The following CNBD1 variants were observed in gnomAD, a reference collection of about 807,000 sequenced individuals.
CNBD1 encodes cyclic nucleotide binding domain containing 1, also known as cyclic nucleotide-binding domain-containing protein 1.
In CNBD1, 71 loss-of-function variants were observed where a neutral mutation model predicts 54.4. The observed-to-expected ratio is 1.30, with a 90% CI of 1.08 to 1.59. The LOEUF (loss-of-function observed/expected upper bound fraction) is 1.59, where lower values mean the gene tolerates loss of function less well. CNBD1 is among the 40% of genes most tolerant of loss of function. CNBD1 has a pLI of 0.00. For missense variants in CNBD1, 659 were observed against 518.0 expected, an observed-to-expected ratio of 1.27 and a Z score of -2.64; for synonymous variants, 182 against 170.7, an observed-to-expected ratio of 1.07 and a Z score of -0.51.
intron 2 of CNBD1, among the ~76,000 whole-genome samples, chr8:87,415,102 C>T (rs188199734): frequency 2.3e-4 from 35 of 152,192 alleles, no homozygotes; most frequent in African/African-American, 7.7e-4. Context: ...TCACAAGGAT[C>T]TGAGTGTATC....
intron 2 of CNBD1, among the ~76,000 whole-genome samples, chr8:87,398,446 A>G (rs751008303): frequency 1.1e-4 from 17 of 151,934 alleles, no homozygotes; most frequent in Admixed American, 6.6e-5. Flanking sequence ...AATGTAATAA[A>G]CATTTGCTGT....
chr8:87,349,162 A>G (rs1025186227), intron 8 of CNBD1, among the ~76,000 whole-genome samples: 2 of 152,158 alleles, frequency 1.3e-5, no homozygotes, highest in Admixed American at 1.3e-4. Context: ...CCTGCAGATC[A>G]TCGTATGTTA....
chr8:87,255,456 A>G (rs541146523), intron 6 of CNBD1, among the ~76,000 whole-genome samples: 2 of 152,298 alleles, frequency 1.3e-5, no homozygotes, highest in Non-Finnish European at 2.9e-5. Flanking sequence ...TTGAGAAAAG[A>G]GATCAGAGAA....
chr8:87,063,932 A>C (rs958702097), intron 4 of CNBD1, among the ~76,000 whole-genome samples: 1 of 152,000 alleles, frequency 6.6e-6, no homozygotes, highest in African/African-American at 2.4e-5. Context: ...AATGCAATTG[A>C]TTTTTGTATA....
intron 8 of CNBD1, among the ~76,000 whole-genome samples, chr8:87,346,376 C>T (rs1810176492): frequency 6.6e-6 from 1 of 151,858 alleles, no homozygotes; most frequent in African/African-American, 2.4e-5. Flanking sequence ...ATTTGAGAAT[C>T]CAGGTTTGAT....
rs34829455 is a variant in CNBD1, at chr8:87,241,268, A to ATTTTTTTTTTTTTT, written c.771+4166_771+4179dup. On this transcript the variant is annotated intron_variant, in intron 6 of 10. Transcript: ENST00000518476. ...GGGCACAAAAATCTGTATTTGGAAGATTTTTTTTTTTTTTTTTTTTTTTGA... is the reference window on the plus strand; with the variant it reads ...GGGCACAAAAATCTGTATTTGGAAGATTTTTTTTTTTTTTTTTTTTTTTTTTTTTTTTTTTTTGA... 1.3e-3 allele frequency among the ~76,000 whole-genome samples: 118 copies of ATTTTTTTTTTTTTT among 93,854 alleles called. 6 individuals carry two copies. Among genetic ancestry groups the ATTTTTTTTTTTTTT allele is most frequent in the Admixed American group, 2.3e-3 (19 of 8,246 alleles). The allele number at this position is 93,854 out of a possible 152,430, so 61.6% of individuals were successfully genotyped here. A position where few individuals can be genotyped will look rare whatever the true frequency, so the allele number is the denominator to read the frequency against.
At chr8:87,006,900 A>G (rs1277854478) in intron 4 of CNBD1, among the ~76,000 whole-genome samples, 1 of 152,262 alleles carries the variant, frequency 6.6e-6, no homozygotes, top group Non-Finnish European at 1.5e-5. Flanking sequence ...ACATTGTACA[A>G]TAAAACTTCT....
rs1368291299 is a variant in CNBD1, at chr8:87,039,081, C to CT, written c.431+99333dup. On this transcript the variant is annotated intron_variant, in intron 4 of 10. Transcript: ENST00000518476. ...TCATTTTCCAAAACTGTAATGACCT[C>CT]TTTTTTCTGCTATTAATGTCTCTTC... Among the ~76,000 whole-genome samples, 4 of 152,090 alleles carry CT rather than the reference C, an allele frequency of 2.6e-5. No individual in the cohort carries two copies. The East Asian group carries it at 7.7e-4, about 29-fold the overall frequency.
intron 8 of CNBD1, among the ~76,000 whole-genome samples, chr8:87,337,213 C>G (rs1379202149): frequency 3.9e-5 from 6 of 152,286 alleles, no homozygotes; most frequent in African/African-American, 1.4e-4. Flanking sequence ...TAACAAGGCA[C>G]TTTGGCTGTC....
intron 4 of CNBD1, among the ~76,000 whole-genome samples, chr8:87,116,622 A>C (rs1811774013): frequency 1.3e-5 from 2 of 152,146 alleles, no homozygotes; most frequent in Non-Finnish European, 2.9e-5. Flanking sequence ...AACAGGTTCA[A>C]TTTCATCCTC....
chr8:86,979,730 A>G (rs762429251), intron 4 of CNBD1, among the ~76,000 whole-genome samples: 1 of 152,228 alleles, frequency 6.6e-6, no homozygotes, highest in Admixed American at 6.5e-5. Context: ...ATGTCCCCAT[A>G]TAAGAAGTCC....
At chr8:86,959,095 C>G (rs1360387957) in intron 4 of CNBD1, among the ~76,000 whole-genome samples, 2 of 152,116 alleles carry the variant, frequency 1.3e-5, no homozygotes, top group East Asian at 3.9e-4. Flanking sequence ...TTTTATTTCT[C>G]CTTCACTTAT....
downstream of CNBD1, among the ~76,000 whole-genome samples, chr8:87,387,842 C>T (rs1221455737): frequency 6.6e-6 from 1 of 152,128 alleles, no homozygotes; most frequent in East Asian, 1.9e-4. Flanking sequence ...CCAAAATTGA[C>T]CACATAGTTG....
At chr8:87,225,220 T>C (rs1814453185) in intron 5 of CNBD1, among the ~76,000 whole-genome samples, 2 of 147,824 alleles carry the variant, frequency 1.4e-5, no homozygotes, top group Admixed American at 6.8e-5. Flanking sequence ...CTTTTCCTAA[T>C]TGAATACCCT....
chr8:87,306,510 A>G lies in CNBD1; in HGVS notation c.1042+19839A>G, dbSNP rs61355035. 7.2e-3 allele frequency among the ~76,000 whole-genome samples: 1,092 copies of G among 152,340 alleles called. 14 individuals are homozygous for G. The highest frequency in any genetic ancestry group is 0.025 in the African/African-American group (1,024 of 41,580). On this transcript the variant is annotated intron_variant, in intron 8 of 10. Coordinates refer to ENST00000518476, the MANE Select transcript of CNBD1 (RefSeq NM_173538.3). ...ATGGAACCAATCCAAATGCCCATCA[A>G]TCAATGAGTGGATAAAGTAGCTGTG...
intron 6 of CNBD1, among the ~76,000 whole-genome samples, chr8:87,247,670 T>G (rs1201612240): frequency 1.3e-5 from 2 of 152,060 alleles, no homozygotes; most frequent in Non-Finnish European, 2.9e-5. Flanking sequence ...ACTCAAAAAC[T>G]CTGGCCAGTG....
Position 86,969,970 on chromosome 8 carries a change from T to C in CNBD1, c.431+30216T>C, listed in dbSNP as rs186999026. 3.3e-3 allele frequency among the ~76,000 whole-genome samples: 508 copies of C among 152,138 alleles called. 2 individuals are homozygous for C. Among genetic ancestry groups the C allele is most frequent in the Admixed American group, 3.8e-3 (58 of 15,266 alleles). On this transcript the variant is annotated intron_variant, in intron 4 of 10. Coordinates refer to ENST00000518476, the MANE Select transcript of CNBD1 (RefSeq NM_173538.3). ...TTCTGCCTGAAATATATTAATATTT[T>C]CATTATTGTGGTCTGCTGATGGCAA...
At chr8:87,340,009 G>C (rs1404369064) in intron 8 of CNBD1, among the ~76,000 whole-genome samples, 1 of 151,966 alleles carries the variant, frequency 6.6e-6, no homozygotes, top group Non-Finnish European at 1.5e-5. Context: ...CTTTCATGTT[G>C]TGGTTTAGCA....
intron 4 of CNBD1, among the ~76,000 whole-genome samples, chr8:87,057,381 A>G (rs185239141): frequency 6.6e-6 from 1 of 152,300 alleles, no homozygotes; most frequent in East Asian, 1.9e-4. Context: ...CTCCATCAGT[A>G]TCATGAGAAC....
Sources: allele counts gnomAD v4.1 joint callset (sites outside exome capture counted in the v4.1 genomes callset), GRCh38; gene constraint gnomAD v4.1.1; transcripts MANE v1.5; gene names NCBI Gene and HGNC (gene_info 2026-07-23, HGNC 2026-07-21).